Variants in MCTP2 observed in about 807,000 individuals in gnomAD.
The protein encoded by MCTP2 is multiple C2 and transmembrane domain containing 2, also known as multiple C2 and transmembrane domain-containing protein 2.
In MCTP2, 132 loss-of-function variants were observed where a neutral mutation model predicts 111.6. That is an observed-to-expected ratio of 1.18 (90% confidence interval 1.03 to 1.37). The LOEUF (loss-of-function observed/expected upper bound fraction) is 1.37, where lower values mean the gene tolerates loss of function less well. MCTP2 is among the 40% of genes most tolerant of loss of function. MCTP2 has a pLI of 0.00. For missense variants in MCTP2, 1,183 were observed against 1,067.9 expected, an observed-to-expected ratio of 1.11 and a Z score of -1.50; for synonymous variants, 395 against 387.7, an observed-to-expected ratio of 1.02 and a Z score of -0.22.
intron 1 of MCTP2, among the ~76,000 whole-genome samples, chr15:94,282,329 C>G (rs2074529753): frequency 1.3e-5 from 2 of 152,176 alleles, no homozygotes; most frequent in Non-Finnish European, 1.5e-5. Flanking sequence ...TCAGCTTTCT[C>G]TCTTCTGTTA....
intron 21 of MCTP2, chr15:94,476,483 C>T: frequency 2.5e-6 from 1 of 395,386 alleles, no homozygotes; most frequent in Non-Finnish European, 4.6e-6. Context: ...ATGACAGCAA[C>T]ATGTGCTTGA....
intron 2 of MCTP2, among the ~76,000 whole-genome samples, chr15:94,299,088 C>T (rs952008357): frequency 6.0e-5 from 7 of 116,096 alleles, no homozygotes; most frequent in East Asian, 5.5e-4. Flanking sequence ...GAGTTATTTT[C>T]GTGGTTAGCT....
intron 2 of MCTP2, among the ~76,000 whole-genome samples, chr15:94,305,804 A>G (rs188234337): frequency 1.5e-4 from 23 of 152,316 alleles, no homozygotes; most frequent in African/African-American, 5.5e-4. Flanking sequence ...GGAGTTTCTA[A>G]GCATCAGATG....
intron 7 of MCTP2, chr15:94,342,306 A>G (rs2077687365): frequency 1.3e-5 from 2 of 152,122 alleles, no homozygotes; most frequent in Non-Finnish European, 2.9e-5. Flanking sequence ...TTTAGTTTCA[A>G]TTTATTTCAA....
intron 17 of MCTP2, among the ~76,000 whole-genome samples, chr15:94,438,236 C>T (rs1474634151): frequency 6.6e-6 from 1 of 151,928 alleles, no homozygotes; most frequent in Admixed American, 6.6e-5. Flanking sequence ...ACTTGATTTA[C>T]GCATACACCG....
Position 94,298,190 on chromosome 15 carries a change from C to A in MCTP2, c.-65-11C>A. The A allele has an allele frequency of 1.7e-5, 16 of 927,256 alleles. No homozygotes were observed. Among genetic ancestry groups the A allele is most frequent in the Non-Finnish European group, 1.9e-5 (13 of 683,414 alleles). The allele number at this position is 927,256 out of a possible 1,614,324, so 57.4% of individuals were successfully genotyped here. A position where few individuals can be genotyped will look rare whatever the true frequency, so the allele number is the denominator to read the frequency against. On this transcript the variant is annotated splice_polypyrimidine_tract_variant and intron_variant, in intron 1 of 22. Coordinates refer to ENST00000357742, the MANE Select transcript of MCTP2 (RefSeq NM_001385001.1). ...TTTGTTTGTTTTTTGTTGTTTTTTT[C>A]TGTTTTATAGGAGTCATTGCAGTTT...
At chr15:94,471,188 T>C (rs1182685515) in intron 21 of MCTP2, among the ~76,000 whole-genome samples, 1 of 152,214 alleles carries the variant, frequency 6.6e-6, no homozygotes, top group African/African-American at 2.4e-5. Context: ...AACTGAAATG[T>C]TGGAGAAGCA....
intron 19 of MCTP2, among the ~76,000 whole-genome samples, chr15:94,457,013 T>C (rs1487525725): frequency 1.3e-5 from 2 of 152,254 alleles, no homozygotes; most frequent in African/African-American, 4.8e-5. Context: ...ATGATTTTAT[T>C]TTTTCCTTTT....
chr15:94,248,800 C>T (rs1279754659), intron 1 of MCTP2, among the ~76,000 whole-genome samples: 2 of 152,312 alleles, frequency 1.3e-5, no homozygotes, highest in East Asian at 3.9e-4. Flanking sequence ...TAATCAAGAA[C>T]CCTTCCTGCT....
At position 94,480,699 on chromosome 15, in the gene MCTP2, T is replaced by G. The variant is rs2074682195; in HGVS notation, c.*1665T>G. 6.6e-6 allele frequency: 1 copy of G among 152,236 alleles called. No homozygotes were observed. The highest frequency in any genetic ancestry group is 2.4e-5 in the African/African-American group (1 of 41,464). 9.4% of individuals were successfully genotyped at this position (152,236 alleles called of 1,614,324 possible). ...TTTTGTAACGACCTAAGTCAGACATTTTTAAACAGACATGTGAGATCTGAT... is the reference window on the plus strand; with the variant it reads ...TTTTGTAACGACCTAAGTCAGACATGTTTAAACAGACATGTGAGATCTGAT... On this transcript the variant is annotated 3_prime_UTR_variant, in exon 23 of 23. Transcript: ENST00000357742.
At position 94,476,764 on chromosome 15, in the gene MCTP2, C is replaced by A; in HGVS notation, c.2539C>A (p.Leu847Ile). Reference sequence around the variant, plus strand: ...CGACAATAATGAGCTACTAGACTTCCTCTCTAGGGTACCGTCTGATGTTCA... The same window carrying A: ...CGACAATAATGAGCTACTAGACTTCATCTCTAGGGTACCGTCTGATGTTCA... ...SIDNNELLDF[L>I]SRVPSDVQKV... Residue 847 changes from leucine to isoleucine, a missense_variant, in exon 22 of 23, where the codon CTC (leucine) becomes ATC (isoleucine). Leu to Ile is a conservative substitution (Grantham distance 5). Coordinates refer to ENST00000357742, the MANE Select transcript of MCTP2 (RefSeq NM_001385001.1). The A allele has an allele frequency of 1.2e-6, 2 of 1,606,282 alleles. No homozygotes were observed. Among genetic ancestry groups the A allele is most frequent in the Non-Finnish European group, 1.7e-6 (2 of 1,173,036 alleles).
At chr15:94,478,936 C>CG in intron 22 of MCTP2, 30 bp from the exon 23 acceptor site, 1 of 1,610,320 alleles carries the variant, frequency 6.2e-7, no homozygotes, top group African/African-American at 1.3e-5. Flanking sequence ...GTTACCTAAC[C>CG]GCCAGCATCA....
In MCTP2 at chr15:94,389,606, G is replaced by T. The variant is rs533744569; in HGVS notation, c.1788+4081G>T. 1.3e-3 allele frequency among the ~76,000 whole-genome samples: 201 copies of T among 151,420 alleles called. 1 individual carries two copies. The highest frequency in any genetic ancestry group is 2.6e-3 in the Non-Finnish European group (178 of 67,934). Reference sequence around the variant, plus strand: ...GAAGGACTTGTTTCTCTGTTTTTTTGTTTTGTTTTGTTTTTTAACGTGAGC... The same window carrying T: ...GAAGGACTTGTTTCTCTGTTTTTTTTTTTTGTTTTGTTTTTTAACGTGAGC... On this transcript the variant is annotated intron_variant, in intron 14 of 22. Transcript: ENST00000357742.
chr15:94,362,340 C>T (rs547400096), intron 10 of MCTP2, among the ~76,000 whole-genome samples: 1 of 152,170 alleles, frequency 6.6e-6, no homozygotes, highest in East Asian at 1.9e-4. Context: ...TTTTATATTT[C>T]AAGGGGATTC....
At chr15:94,284,757 AGCCAG>A (rs1263055032) in intron 1 of MCTP2, among the ~76,000 whole-genome samples, 2 of 152,236 alleles carry the variant, frequency 1.3e-5, no homozygotes, top group Non-Finnish European at 2.9e-5. Flanking sequence ...GAGAATGCAT[AGCCAG>A]TGCTAAGAAT....
chr15:94,454,507 TTCTC>T (rs1176230369), intron 19 of MCTP2, among the ~76,000 whole-genome samples: 3 of 152,192 alleles, frequency 2.0e-5, no homozygotes, highest in African/African-American at 7.2e-5. Context: ...AGTATGCACT[TTCTC>T]TTCTTTACCC....
chr15:94,465,400 A>G (rs1002323479), intron 20 of MCTP2, among the ~76,000 whole-genome samples: 3 of 152,166 alleles, frequency 2.0e-5, no homozygotes, highest in Non-Finnish European at 4.4e-5. Context: ...AATTAGGTAC[A>G]GTAACAGATT....
chr15:94,293,440 A>G (rs1415143350), intron 1 of MCTP2, among the ~76,000 whole-genome samples: 1 of 152,242 alleles, frequency 6.6e-6, no homozygotes, highest in Non-Finnish European at 1.5e-5. Context: ...CAGGAAATGC[A>G]TAGAAAGGTT....
intron 1 of MCTP2, among the ~76,000 whole-genome samples, chr15:94,244,796 A>C (rs868760805): frequency 6.9e-6 from 1 of 145,970 alleles, no homozygotes; most frequent in Middle Eastern, 6.0e-3. Context: ...ATATGCACGT[A>C]TGTTTATATA....
Sources: gnomAD v4.1 joint callset for allele counts (sites outside exome capture counted in the v4.1 genomes callset) on GRCh38, gnomAD v4.1.1 for gene constraint, MANE v1.5 for transcripts, NCBI Gene and HGNC (gene_info 2026-07-23, HGNC 2026-07-21) for gene names.